The following GNAQ variants were observed in gnomAD, a reference collection of about 807,000 sequenced individuals.
GNAQ encodes G protein subunit alpha q.
GNAQ carries 8 observed loss-of-function variants against 43.9 expected under a neutral mutation model. The ratio of observed to expected loss-of-function variants is 0.18; its 90% CI spans 0.11 to 0.33. GNAQ has a LOEUF of 0.33. GNAQ is among the 10% of genes least tolerant of loss of function. The pLI is 1.00. For missense variants in GNAQ, 158 were observed against 450.8 expected (o/e 0.35, Z 5.88); for synonymous variants, 155 against 170.7 (o/e 0.91, Z 0.71).
chr9:77,777,036 T>C (rs1826315529), intron 5 of GNAQ, among the ~76,000 whole-genome samples: 1 of 152,106 alleles, frequency 6.6e-6, no homozygotes, highest in Non-Finnish European at 1.5e-5. Context: ...AAAAAAGACA[T>C]GTGCATCAGT....
intron 5 of GNAQ, among the ~76,000 whole-genome samples, chr9:77,777,031 A>G (rs186494983): frequency 6.6e-6 from 1 of 152,176 alleles, no homozygotes; most frequent in Non-Finnish European, 1.5e-5. Flanking sequence ...ACTTAAAAAA[A>G]GACATGTGCA....
intron 6 of GNAQ, among the ~76,000 whole-genome samples, chr9:77,721,816 G>C (rs958048168): frequency 3.9e-5 from 6 of 152,152 alleles, no homozygotes; most frequent in Non-Finnish European, 7.3e-5. Context: ...GCCACTGTAG[G>C]CTCTTCATCA....
chr9:77,857,512 G>A (rs1281912051), intron 2 of GNAQ, among the ~76,000 whole-genome samples: 1 of 146,648 alleles, frequency 6.8e-6, no homozygotes, highest in Non-Finnish European at 1.5e-5. Flanking sequence ...CAGGAAAGAA[G>A]GAAGGGAAGA....
At chr9:77,779,626 C>T (rs909475434) in intron 5 of GNAQ, among the ~76,000 whole-genome samples, 9 of 133,320 alleles carry the variant, frequency 6.8e-5, no homozygotes, top group African/African-American at 2.3e-4. Context: ...GCTGATTCTT[C>T]GAAAAGATCA....
chr9:77,917,385 A>T (rs1386742972), intron 2 of GNAQ, among the ~76,000 whole-genome samples: 2 of 152,134 alleles, frequency 1.3e-5, no homozygotes, highest in Non-Finnish European at 2.9e-5. Flanking sequence ...GGGGGGAAGA[A>T]GGTAAGAAAA....
chr9:78,001,999 A>G (rs149614556), intron 1 of GNAQ, among the ~76,000 whole-genome samples: 2 of 152,248 alleles, frequency 1.3e-5, no homozygotes, highest in African/African-American at 4.8e-5. Flanking sequence ...AGGGCATCAT[A>G]AAGTAAAAAG....
At position 77,840,379 on chromosome 9, in the gene GNAQ, G is replaced by A. The variant is rs57132013; in HGVS notation, c.322-24609C>T. On this transcript the variant is annotated intron_variant, in intron 2 of 6. Transcript: ENST00000286548. ...TTTTTTTTTTTTTTTAGACGGAGTC[G>A]GAGTCGGAGTACAGTGGCATAATCT... 7.8e-4 allele frequency among the ~76,000 whole-genome samples: 116 copies of A among 148,782 alleles called. 1 individual carries two copies. In the East Asian group the frequency reaches 0.013, roughly 16 times the overall value.
chr9:77,808,148 C>A (rs1441320513), intron 3 of GNAQ, among the ~76,000 whole-genome samples: 2 of 152,100 alleles, frequency 1.3e-5, no homozygotes. Context: ...GACTTGCCCA[C>A]ATCCACCCTG....
chr9:77,936,610 T>G (rs372803075), intron 1 of GNAQ, among the ~76,000 whole-genome samples: 1 of 152,144 alleles, frequency 6.6e-6, no homozygotes, highest in African/African-American at 2.4e-5. Context: ...ACCAACTAAA[T>G]GCAAAATACT....
At chr9:77,773,126 T>C (rs1294149649) in intron 5 of GNAQ, among the ~76,000 whole-genome samples, 26 of 152,240 alleles carry the variant, frequency 1.7e-4, no homozygotes, top group Admixed American at 1.7e-3. Flanking sequence ...CATTCTCTTA[T>C]TGTAAAAGAA....
At chr9:77,741,107 T>G (rs1587892469) in intron 5 of GNAQ, among the ~76,000 whole-genome samples, 1 of 152,254 alleles carries the variant, frequency 6.6e-6, no homozygotes, top group Non-Finnish European at 1.5e-5. Context: ...CCAATTTTAG[T>G]TGGCTAAGTG....
intron 2 of GNAQ, among the ~76,000 whole-genome samples, chr9:77,885,899 C>G (rs866147049): frequency 1.3e-5 from 2 of 152,232 alleles, no homozygotes; most frequent in South Asian, 4.1e-4. Flanking sequence ...AAGCCTTCCC[C>G]TTAAGGTTTA....
chr9:77,968,774 T>C (rs4745678), intron 1 of GNAQ, among the ~76,000 whole-genome samples: 2 of 152,024 alleles, frequency 1.3e-5, no homozygotes, highest in African/African-American at 2.4e-5. Context: ...GACACAATTA[T>C]GCCGGGGCTC....
chr9:77,982,515 C>T (rs1184960706), intron 1 of GNAQ, among the ~76,000 whole-genome samples: 1 of 152,112 alleles, frequency 6.6e-6, no homozygotes. Flanking sequence ...ACATGGGGGA[C>T]GGGGAGACCA....
chr9:77,831,208 C>A (rs952151012), intron 2 of GNAQ, among the ~76,000 whole-genome samples: 2 of 152,140 alleles, frequency 1.3e-5, no homozygotes, highest in African/African-American at 4.8e-5. Context: ...TAATGTGTCA[C>A]AAATTAATCA....
chr9:77,976,076 G>C (rs79889797), intron 1 of GNAQ, among the ~76,000 whole-genome samples: 1 of 152,198 alleles, frequency 6.6e-6, no homozygotes, highest in Non-Finnish European at 1.5e-5. Flanking sequence ...TGCCCAGTTT[G>C]AGGTTCACTG....
intron 1 of GNAQ, among the ~76,000 whole-genome samples, chr9:77,949,820 A>C (rs1822954281): frequency 6.6e-6 from 1 of 152,026 alleles, no homozygotes; most frequent in Non-Finnish European, 1.5e-5. Flanking sequence ...TCATATTCTA[A>C]CTCAATGAAA....
rs548040984 is a variant in GNAQ at position 77,721,015 on chromosome 9, A to C, written c.*308T>G. ...GAAAAGAAAAAGAGAGAGAGACAGA[A>C]AGAAACAAGTCTTATCTTTGTGAGT... On this transcript the variant is annotated 3_prime_UTR_variant, in exon 7 of 7. Coordinates refer to ENST00000286548, the MANE Select transcript of GNAQ (RefSeq NM_002072.5). 1 of 279,300 alleles carries C rather than the reference A, an allele frequency of 3.6e-6. No homozygotes were observed. Among genetic ancestry groups the C allele is most frequent in the South Asian group, 1.6e-4 (1 of 6,258 alleles). 17.3% of individuals were successfully genotyped at this position (279,300 alleles called of 1,614,324 possible).
At chr9:77,746,707 A>G (rs1825736073) in intron 5 of GNAQ, among the ~76,000 whole-genome samples, 1 of 152,214 alleles carries the variant, frequency 6.6e-6, no homozygotes, top group Admixed American at 6.5e-5. Flanking sequence ...TGGGTTATAT[A>G]ACTGTTGAAA....
Sources: allele counts gnomAD v4.1 joint callset (sites outside exome capture counted in the v4.1 genomes callset), GRCh38; gene constraint gnomAD v4.1.1; transcripts MANE v1.5; gene names NCBI Gene and HGNC (gene_info 2026-07-23, HGNC 2026-07-21).